USP43: variants seen among roughly 807,000 people sequenced by gnomAD.
The protein encoded by USP43 is ubiquitin specific peptidase 43.
In USP43, 33 loss-of-function variants were observed where a neutral mutation model predicts 90.7. That is an observed-to-expected ratio of 0.36 (90% CI 0.28 to 0.49). The LOEUF is 0.49. Among genes scored for constraint, USP43 ranks in the 20% least tolerant of loss-of-function variants. USP43 has a pLI of 0.98. For synonymous variants in USP43, 598 were observed against 615.8 expected (o/e 0.97, Z 0.43); for missense variants, 1,274 against 1,476.4 (o/e 0.86, Z 2.25).
rs752967345 is a variant in USP43, at chr17:9,656,518, G to A, written c.620G>A (p.Gly207Glu). 2 of 1,611,346 alleles carry A rather than the reference G, an allele frequency of 1.2e-6. No homozygotes were observed. The highest frequency in any genetic ancestry group is 1.7e-6 in the Non-Finnish European group (2 of 1,178,940). The stretch of plus-strand genomic sequence containing the variant: ...GAGGACCTGGAGGGTTCATCCCGAG[G>A]GCCGGTGTCGGAGAAGGTCGGTCAC... ...VHEDLEGSSR[G>E]PVSEKLPPEA... Residue 207 changes from glycine (G) to glutamate (E), a missense_variant, in exon 2 of 15, where the codon GGG (glycine) becomes GAG (glutamate). Physicochemically the swap from Gly to Glu is moderately conservative, Grantham distance 98 (BLOSUM62 -2). Around this residue, in one of 6 missense-constraint regions of USP43, gnomAD observed 259 missense variants for 373.7 expected, o/e 0.69. Transcript: ENST00000285199.
chr17:9,649,491 G>C (rs1218840833), intron 1 of USP43, among the ~76,000 whole-genome samples: 1 of 151,830 alleles, frequency 6.6e-6, no homozygotes, highest in South Asian at 2.1e-4. Flanking sequence ...AGTGAACATA[G>C]TGCTCAACAG....
chr17:9,651,557 T>C (rs1043927181), intron 1 of USP43, among the ~76,000 whole-genome samples: 3 of 152,214 alleles, frequency 2.0e-5, no homozygotes, highest in African/African-American at 4.8e-5. Flanking sequence ...TTCTCAAAAC[T>C]GTCTCCTTCT....
chr17:9,645,816 G>A lies in USP43; in HGVS notation c.184G>A (p.Ala62Thr). The A allele has an allele frequency of 7.2e-7, 1 of 1,389,406 alleles. No homozygotes were observed. Among genetic ancestry groups the A allele is most frequent in the Non-Finnish European group, 9.3e-7 (1 of 1,078,216 alleles). 86.1% of individuals were successfully genotyped at this position (1,389,406 alleles called of 1,614,324 possible). ...TGATGGCGACGGTGAGGGGGGCTTC[G>A]CCTGCGCCCCGGGCCCAGTTCCAGC... ...HCDGDGEGGF[A>T]CAPGPVPAAP... is the part of the protein sequence containing the mutation. The change falls in exon 1 of 15, where the codon GCC (alanine) becomes ACC (threonine). Residue 62 changes from alanine (A) to threonine (T), a missense_variant. Physicochemically the swap from Ala to Thr is moderately conservative, Grantham distance 58. Transcript: ENST00000285199. This position sits in a 1 kb window ranked among gnomAD's most constrained non-coding sequence, Gnocchi z 6.8.
At chr17:9,708,800 T>C (rs1413615851) in intron 12 of USP43, among the ~76,000 whole-genome samples, 1 of 152,132 alleles carries the variant, frequency 6.6e-6, no homozygotes, top group Admixed American at 6.5e-5. Flanking sequence ...GCTAATTTTT[T>C]GTATTTTTAA....
chr17:9,648,816 C>T (rs1911638930), intron 1 of USP43, among the ~76,000 whole-genome samples: 1 of 152,196 alleles, frequency 6.6e-6, no homozygotes, highest in East Asian at 1.9e-4. Flanking sequence ...ACAAGGTTTT[C>T]TTAAGGAGTC....
At chr17:9,719,385 C>T (rs537387297) in intron 14 of USP43, among the ~76,000 whole-genome samples, 1 of 152,216 alleles carries the variant, frequency 6.6e-6, no homozygotes, top group East Asian at 1.9e-4. Context: ...CCTCAGAGAC[C>T]CCTGAGAGGC....
intron 14 of USP43, among the ~76,000 whole-genome samples, chr17:9,716,791 C>CCA (rs761679683): frequency 4.1e-4 from 63 of 152,144 alleles, no homozygotes; most frequent in Non-Finnish European, 8.1e-4. Flanking sequence ...TGTCATGAAG[C>CCA]TATCTGCAAT....
chr17:9,719,357 C>T (rs1658952593), intron 14 of USP43, among the ~76,000 whole-genome samples: 2 of 152,144 alleles, frequency 1.3e-5, no homozygotes, highest in Admixed American at 1.3e-4. Context: ...AGATGTGAGG[C>T]ACAGCTCTAG....
chr17:9,673,930 G>A (rs964458549), intron 3 of USP43, among the ~76,000 whole-genome samples: 2 of 152,166 alleles, frequency 1.3e-5, no homozygotes, highest in African/African-American at 2.4e-5. Context: ...AATAAGGAGG[G>A]TGGGCAGTGT....
At chr17:9,663,200 G>T (rs2151966573) in intron 2 of USP43, among the ~76,000 whole-genome samples, 1 of 152,084 alleles carries the variant, frequency 6.6e-6, no homozygotes, top group South Asian at 2.1e-4. Context: ...CTTTATTATA[G>T]TTGAGAAATC....
rs774261377 is a variant in USP43, at chr17:9,701,280, G to T, written c.1662+35G>T. On this transcript the variant is annotated intron_variant, in intron 11 of 14. Coordinates refer to ENST00000285199, the MANE Select transcript of USP43 (RefSeq NM_153210.5). The surrounding 1 kb of genome is among the most constrained non-coding windows in gnomAD (Gnocchi z 7.2). ...TGGGGGTCCATGCCCCGGCCGGGAA[G>T]GGGGCTGGCTGCCTTTGGTGGGTTG... 1.3e-6 allele frequency: 2 copies of T among 1,597,854 alleles called. No homozygotes were observed. The highest frequency in any genetic ancestry group is 8.5e-7 in the Non-Finnish European group (1 of 1,171,654).
At chr17:9,678,562 G>A (rs1236462218) in intron 5 of USP43, among the ~76,000 whole-genome samples, 2 of 151,938 alleles carry the variant, frequency 1.3e-5, no homozygotes, top group East Asian at 1.9e-4. Flanking sequence ...GGATGATCTC[G>A]ATCTCTTGAC....
At chr17:9,717,752 C>A (rs899910831) in intron 14 of USP43, among the ~76,000 whole-genome samples, 1 of 151,772 alleles carries the variant, frequency 6.6e-6, no homozygotes, top group Non-Finnish European at 1.5e-5. Context: ...AATAAGTGGG[C>A]AAATAATTAT....
chr17:9,665,098 C>T lies in USP43; in HGVS notation c.637-1550C>T, dbSNP rs553731862. Among the ~76,000 whole-genome samples the T allele has an allele frequency of 8.5e-5, 13 of 152,056 alleles. No homozygotes were observed. The East Asian group carries it at 9.6e-4, about 11-fold the overall frequency. ...TGTCCCATGTGTGGTAGGGAATGGG[C>T]AGGGGGTGAAGAATAAATTTAGGGA... On this transcript the variant is annotated intron_variant, in intron 2 of 14. Transcript: ENST00000285199.
At chr17:9,712,447 C>T (rs555136017) in intron 14 of USP43, among the ~76,000 whole-genome samples, 6 of 152,114 alleles carry the variant, frequency 3.9e-5, no homozygotes, top group South Asian at 2.1e-4. Flanking sequence ...TATTCAGGCC[C>T]GGGGTGGAGG....
At chr17:9,662,493 G>A (rs912145259) in intron 2 of USP43, among the ~76,000 whole-genome samples, 2 of 152,126 alleles carry the variant, frequency 1.3e-5, no homozygotes, top group Non-Finnish European at 2.9e-5. Context: ...AGTTGATCAC[G>A]TTCCTCCACT....
chr17:9,679,503 C>A (rs1251600492), intron 5 of USP43, among the ~76,000 whole-genome samples: 1 of 148,528 alleles, frequency 6.7e-6, no homozygotes, highest in Admixed American at 6.8e-5. Context: ...CGGTGCCCAG[C>A]CCTGAAATGC....
At chr17:9,690,006 A>T (rs1451886884) in intron 8 of USP43, among the ~76,000 whole-genome samples, 2 of 152,186 alleles carry the variant, frequency 1.3e-5, no homozygotes, top group African/African-American at 4.8e-5. Context: ...CCGTAGACGA[A>T]CTGGAACGTG....
chr17:9,715,240 C>T lies in USP43; in HGVS notation c.2335+3108C>T, dbSNP rs1453770995. On this transcript the variant is annotated intron_variant, in intron 14 of 14. Coordinates refer to ENST00000285199, the MANE Select transcript of USP43 (RefSeq NM_153210.5). ...TTTTGGGAGGCCAAGGTGGGAGGAT[C>T]GCGTGAGTCCAAGAAGTTAAGACTA... Among the ~76,000 whole-genome samples, 4 of 152,160 alleles carry T rather than the reference C, an allele frequency of 2.6e-5. No individual in the cohort carries two copies. The East Asian group carries it at 5.8e-4, about 22-fold the overall frequency.
Sources: allele counts gnomAD v4.1 joint callset (sites outside exome capture counted in the v4.1 genomes callset), GRCh38; gene constraint gnomAD v4.1.1; regional missense constraint gnomAD v4.1.1; non-coding constraint Gnocchi (gnomAD v3.1); transcripts MANE v1.5; gene names NCBI Gene and HGNC (gene_info 2026-07-23, HGNC 2026-07-21).